PRKAG2: variants seen among roughly 807,000 people sequenced by gnomAD.
The protein encoded by PRKAG2 is protein kinase AMP-activated non-catalytic subunit gamma 2, also known as 5'-AMP-activated protein kinase subunit gamma-2.
In PRKAG2, 26 loss-of-function variants were observed where a neutral mutation model predicts 69.6. That is an observed-to-expected ratio of 0.37 (90% CI 0.27 to 0.52). PRKAG2 has a LOEUF of 0.52. PRKAG2 is among the 20% of genes least tolerant of loss of function. The pLI, the probability that PRKAG2 is intolerant of heterozygous loss-of-function variation, is 0.90. For missense variants in PRKAG2, 557 were observed against 740.0 expected (o/e 0.75, Z 2.87); for synonymous variants, 293 against 285.0 (o/e 1.03, Z -0.28).
chr7:151,866,934 G>A (rs1405407990), intron 1 of PRKAG2, among the ~76,000 whole-genome samples: 1 of 151,514 alleles, frequency 6.6e-6, no homozygotes, highest in Non-Finnish European at 1.5e-5. Flanking sequence ...AGCAGGCAAA[G>A]AGGAAGTGCT....
intron 3 of PRKAG2, among the ~76,000 whole-genome samples, chr7:151,688,949 G>A (rs1835200959): frequency 6.6e-6 from 1 of 152,096 alleles, no homozygotes; most frequent in South Asian, 2.1e-4. Flanking sequence ...CATCTTCTGA[G>A]AGGAGCTATA....
intron 5 of PRKAG2, among the ~76,000 whole-genome samples, chr7:151,600,464 T>C (rs1585143499): frequency 6.6e-6 from 1 of 152,354 alleles, no homozygotes; most frequent in East Asian, 1.9e-4. Context: ...TGACAAATGA[T>C]GTGGACCACT....
chr7:151,664,312 T>C (rs1355571515), intron 4 of PRKAG2, among the ~76,000 whole-genome samples: 2 of 152,190 alleles, frequency 1.3e-5, no homozygotes, highest in African/African-American at 4.8e-5. Flanking sequence ...ACAGCAACCC[T>C]GTGAGATAAA....
At chr7:151,602,992 C>T (rs550744079) in intron 5 of PRKAG2, among the ~76,000 whole-genome samples, 223 of 152,314 alleles carry the variant, frequency 1.5e-3, no homozygotes, top group Non-Finnish European at 2.6e-3. Flanking sequence ...TATAAATTAC[C>T]CACCCAGTCT....
chr7:151,773,046 AGAGAGAGGGAGGGAGGGAGG>A (rs1453703105), intron 3 of PRKAG2, among the ~76,000 whole-genome samples: 116 of 36,520 alleles, frequency 3.2e-3, no homozygotes, highest in African/African-American at 0.012. Flanking sequence ...AGAGAGAGAG[AGAGAGAGGGAGGGAGGGAGG>A]GAGGGAGGGA....
intron 9 of PRKAG2, among the ~76,000 whole-genome samples, chr7:151,571,571 A>C (rs7788234): frequency 0.15 from 22,160 of 152,168 alleles, 1,732 homozygotes; most frequent in African/African-American, 0.18. Flanking sequence ...TTATTACTAC[A>C]AAATATCATG....
chr7:151,616,517 T>C (rs1266975884), intron 5 of PRKAG2, among the ~76,000 whole-genome samples: 1 of 152,182 alleles, frequency 6.6e-6, no homozygotes, highest in African/African-American at 2.4e-5. Context: ...ACTGCAGGAA[T>C]AGGCCAGGAA....
chr7:151,782,539 A>G (rs1336779551), intron 2 of PRKAG2, among the ~76,000 whole-genome samples: 1 of 152,266 alleles, frequency 6.6e-6, no homozygotes, highest in Non-Finnish European at 1.5e-5. Flanking sequence ...CATAACTTTA[A>G]GCCAAGGCAC....
chr7:151,565,667 T>C (rs1355400000), intron 12 of PRKAG2, 53 bp downstream of exon 12: 3 of 1,572,816 alleles, frequency 1.9e-6, no homozygotes, highest in African/African-American at 2.7e-5. Flanking sequence ...CTTACAATAA[T>C]TGCACCCTGA....
chr7:151,651,803 G>C (rs1286875310), intron 4 of PRKAG2, among the ~76,000 whole-genome samples: 1 of 152,118 alleles, frequency 6.6e-6, no homozygotes, highest in Non-Finnish European at 1.5e-5. Context: ...AATAAGCCAA[G>C]CACGGAAAGA....
chr7:151,627,179 G>C (rs892073519), intron 5 of PRKAG2, among the ~76,000 whole-genome samples: 2 of 152,208 alleles, frequency 1.3e-5, no homozygotes, highest in African/African-American at 4.8e-5. Flanking sequence ...CTCACGGGTT[G>C]TCCAAGGAAA....
At chr7:151,822,615 G>A (rs930365669) in intron 1 of PRKAG2, among the ~76,000 whole-genome samples, 16 of 152,162 alleles carry the variant, frequency 1.1e-4, no homozygotes, top group South Asian at 2.1e-4. Flanking sequence ...AGCCGGCCCC[G>A]CTGCCCAGGC....
intron 3 of PRKAG2, among the ~76,000 whole-genome samples, chr7:151,770,904 A>T (rs1038563300): frequency 3.2e-4 from 49 of 152,138 alleles, no homozygotes; most frequent in African/African-American, 1.2e-3. Flanking sequence ...AGAGGCTGAG[A>T]AGTAGGGGTT....
chr7:151,732,624 T>C (rs191800263), intron 3 of PRKAG2, among the ~76,000 whole-genome samples: 138 of 152,314 alleles, frequency 9.1e-4, no homozygotes, highest in African/African-American at 3.2e-3. Context: ...GACCTAGGGT[T>C]AGAGCTACAG....
At chr7:151,617,453 G>T (rs1302894959) in intron 5 of PRKAG2, among the ~76,000 whole-genome samples, 1 of 152,104 alleles carries the variant, frequency 6.6e-6, no homozygotes, top group Non-Finnish European at 1.5e-5. Flanking sequence ...AAGGTGGATG[G>T]TGGCTATTTG....
At chr7:151,739,801 C>T (rs1325821978) in intron 3 of PRKAG2, among the ~76,000 whole-genome samples, 2 of 152,100 alleles carry the variant, frequency 1.3e-5, no homozygotes, top group Non-Finnish European at 2.9e-5. Context: ...CTTTCGCTTA[C>T]ACCATTTGCC....
chr7:151,679,148 G>A (rs1585707915), intron 3 of PRKAG2, among the ~76,000 whole-genome samples: 1 of 152,222 alleles, frequency 6.6e-6, no homozygotes, highest in East Asian at 1.9e-4. Flanking sequence ...AGGGCTGCCG[G>A]CCCATCCGGA....
At chr7:151,848,742 CT>C (rs1017305199) in intron 1 of PRKAG2, among the ~76,000 whole-genome samples, 1 of 152,070 alleles carries the variant, frequency 6.6e-6, no homozygotes, top group African/African-American at 2.4e-5. Context: ...CCAGGCTGGT[CT>C]CAAACTCCTG....
intron 1 of PRKAG2, among the ~76,000 whole-genome samples, chr7:151,842,491 AGGTAGGGAT>A (rs1170424955): frequency 2.9e-4 from 41 of 140,864 alleles, no homozygotes; most frequent in African/African-American, 1.0e-3. Flanking sequence ...TAGCGATGGT[AGGTAGGGAT>A]GGTAGGGATG....
Sources: gnomAD v4.1 joint callset for allele counts (sites outside exome capture counted in the v4.1 genomes callset) on GRCh38, gnomAD v4.1.1 for gene constraint, MANE v1.5 for transcripts, NCBI Gene and HGNC (gene_info 2026-07-23, HGNC 2026-07-21) for gene names.